PTPRD: variants seen among roughly 807,000 people sequenced by gnomAD.
PTPRD encodes the protein protein tyrosine phosphatase receptor type D, also known as receptor-type tyrosine-protein phosphatase delta.
A neutral mutation model predicts 214.5 loss-of-function variants in PTPRD; 34 were observed. The ratio of observed to expected loss-of-function variants is 0.16; its 90% confidence interval spans 0.12 to 0.21. PTPRD has a LOEUF of 0.21. Among genes scored for constraint, PTPRD ranks in the 10% least tolerant of loss-of-function variants. PTPRD has a pLI of 1.00. For synonymous variants in PTPRD, 1,128 were observed against 845.7 expected, an observed-to-expected ratio of 1.33 and a Z score of -5.79; for missense variants, 2,545 against 2,398.7, an observed-to-expected ratio of 1.06 and a Z score of -1.27.
At chr9:10,001,168 G>A (rs2096301878) in intron 4 of PTPRD, among the ~76,000 whole-genome samples, 1 of 151,898 alleles carries the variant, frequency 6.6e-6, no homozygotes, top group Admixed American at 6.6e-5. Flanking sequence ...TGAGACCAAT[G>A]ACCCTGGTGT....
At chr9:9,142,996 T>C (rs2099862835) in intron 10 of PTPRD, among the ~76,000 whole-genome samples, 2 of 152,076 alleles carry the variant, frequency 1.3e-5, no homozygotes, top group African/African-American at 4.8e-5. Context: ...AGGCCAGAGC[T>C]CCTGGGAATG....
intron 12 of PTPRD, among the ~76,000 whole-genome samples, chr9:8,690,293 C>G (rs961627313): frequency 6.6e-6 from 1 of 151,564 alleles, no homozygotes; most frequent in Non-Finnish European, 1.5e-5. Context: ...TTTGGGAGGT[C>G]GAGGCGGGCA....
intron 11 of PTPRD, among the ~76,000 whole-genome samples, chr9:8,786,180 A>G (rs188212846): frequency 6.6e-6 from 1 of 152,204 alleles, no homozygotes; most frequent in East Asian, 1.9e-4. Flanking sequence ...CCATGGAACC[A>G]TTCATAAATT....
chr9:10,307,176 C>G (rs570578825), intron 3 of PTPRD, among the ~76,000 whole-genome samples: 1 of 148,770 alleles, frequency 6.7e-6, no homozygotes, highest in East Asian at 1.9e-4. Context: ...TTCCTTCTAT[C>G]GAAATGTATG....
Position 8,526,743 on chromosome 9 carries a change from C to A in PTPRD, c.551-99G>T, listed in dbSNP as rs2074263012. 1.3e-5 allele frequency: 13 copies of A among 966,554 alleles called. No homozygotes were observed. In the South Asian group the frequency reaches 2.4e-4, roughly 18 times the overall value. 59.9% of individuals were successfully genotyped at this position (966,554 alleles called of 1,614,324 possible). On this transcript the variant is annotated intron_variant, in intron 16 of 45. Transcript: ENST00000381196. Reference sequence around the variant, plus strand: ...GGGGAGAAGAATTAAATTAGATTTACAGAATTAAATAAGGTCTTAAAAGAA... The same window carrying A: ...GGGGAGAAGAATTAAATTAGATTTAAAGAATTAAATAAGGTCTTAAAAGAA...
At chr9:10,399,840 G>T (rs1329575320) in intron 2 of PTPRD, among the ~76,000 whole-genome samples, 4 of 151,808 alleles carry the variant, frequency 2.6e-5, no homozygotes, top group Non-Finnish European at 5.9e-5. Flanking sequence ...CAAGTGGTGG[G>T]AAGAAAAGGG....
intron 34 of PTPRD, among the ~76,000 whole-genome samples, chr9:8,441,139 C>T (rs188729257): frequency 6.6e-5 from 10 of 152,264 alleles, no homozygotes; most frequent in African/African-American, 2.4e-4. Context: ...TACGCTCATT[C>T]CCATTTCCTC....
intron 8 of PTPRD, among the ~76,000 whole-genome samples, chr9:9,508,003 T>C (rs1019939636): frequency 2.0e-5 from 3 of 151,578 alleles, no homozygotes; most frequent in Admixed American, 6.6e-5. Context: ...AATGCTTCTA[T>C]ACTATCACAC....
intron 10 of PTPRD, chr9:9,090,949 G>C (rs879175707): frequency 8.3e-6 from 13 of 1,571,708 alleles, no homozygotes; most frequent in Admixed American, 3.3e-5. Context: ...CTGCGGCCAC[G>C]TGCAGCCTAT....
chr9:8,554,540 T>C (rs1208992185), intron 14 of PTPRD, among the ~76,000 whole-genome samples: 1 of 151,920 alleles, frequency 6.6e-6, no homozygotes, highest in South Asian at 2.1e-4. Context: ...AGAAGAAAAG[T>C]GGTTTGACTG....
intron 8 of PTPRD, among the ~76,000 whole-genome samples, chr9:9,405,476 G>A (rs968201625): frequency 6.6e-6 from 1 of 152,000 alleles, no homozygotes; most frequent in African/African-American, 2.4e-5. Context: ...ATAGAACTGT[G>A]TAGATAGACA....
At chr9:9,221,851 C>A (rs1021938980) in intron 9 of PTPRD, among the ~76,000 whole-genome samples, 1 of 151,936 alleles carries the variant, frequency 6.6e-6, no homozygotes, top group Non-Finnish European at 1.5e-5. Flanking sequence ...GTTGCACAAA[C>A]GCTGTACCTA....
rs139600903 is a variant in PTPRD, at chr9:9,012,747, G to A, written c.-104+5950C>T. On this transcript the variant is annotated intron_variant, in intron 11 of 45. Coordinates refer to ENST00000381196, the MANE Select transcript of PTPRD (RefSeq NM_002839.4). Reference sequence around the variant, plus strand: ...TGTATTTTTGCCATTCTGCCATCCAGGATAAGAAATTGCTATTTTCTGCCA... The same window carrying A: ...TGTATTTTTGCCATTCTGCCATCCAAGATAAGAAATTGCTATTTTCTGCCA... 3.6e-3 allele frequency among the ~76,000 whole-genome samples: 553 copies of A among 152,172 alleles called. 2 individuals carry two copies. The highest frequency in any genetic ancestry group is 0.012 in the African/African-American group (515 of 41,530).
chr9:9,078,837 T>A (rs1193945763), intron 10 of PTPRD, among the ~76,000 whole-genome samples: 2 of 152,056 alleles, frequency 1.3e-5, no homozygotes, highest in African/African-American at 4.8e-5. Flanking sequence ...TTATTTGTAA[T>A]TGAAAAATAA....
intron 10 of PTPRD, among the ~76,000 whole-genome samples, chr9:9,112,569 C>T (rs2099807570): frequency 6.6e-6 from 1 of 152,108 alleles, no homozygotes; most frequent in Admixed American, 6.6e-5. Flanking sequence ...TAAGGCACTC[C>T]CTGAAAGCCT....
At chr9:9,617,858 G>C (rs945521836) in intron 7 of PTPRD, among the ~76,000 whole-genome samples, 1 of 151,596 alleles carries the variant, frequency 6.6e-6, no homozygotes, top group Non-Finnish European at 1.5e-5. Flanking sequence ...AGATCACGAG[G>C]TCAGGAGATC....
chr9:10,549,475 A>G (rs1011467748), intron 2 of PTPRD, among the ~76,000 whole-genome samples: 28 of 152,296 alleles, frequency 1.8e-4, no homozygotes, highest in African/African-American at 6.7e-4. Context: ...CAAAGTGGCT[A>G]TGCTACAGGA....
At chr9:9,609,999 G>A (rs1012046992) in intron 7 of PTPRD, among the ~76,000 whole-genome samples, 1 of 152,150 alleles carries the variant, frequency 6.6e-6, no homozygotes, top group African/African-American at 2.4e-5. Flanking sequence ...TTTACCAAAT[G>A]CCTGGTGGGT....
At chr9:8,475,519 G>A (rs934552426) in intron 30 of PTPRD, among the ~76,000 whole-genome samples, 3 of 152,132 alleles carry the variant, frequency 2.0e-5, no homozygotes, top group South Asian at 2.1e-4. Flanking sequence ...ATATGCAAAT[G>A]ATTTCCAGAC....
Sources: gnomAD v4.1 joint callset for allele counts (sites outside exome capture counted in the v4.1 genomes callset) on GRCh38, gnomAD v4.1.1 for gene constraint, MANE v1.5 for transcripts, NCBI Gene and HGNC (gene_info 2026-07-23, HGNC 2026-07-21) for gene names.